COL22A1: variants seen among roughly 807,000 people sequenced by gnomAD.
The protein encoded by COL22A1 is collagen type XXII alpha 1 chain.
In COL22A1, 221 loss-of-function variants were observed where a neutral mutation model predicts 248.9. That is an observed-to-expected ratio of 0.89 (90% confidence interval 0.80 to 0.99). The LOEUF (loss-of-function observed/expected upper bound fraction) is 0.99. Ranked by LOEUF, COL22A1 falls within the 50% of genes least tolerant of loss-of-function variation. COL22A1 has a pLI of 0.00. For synonymous variants in COL22A1, 891 were observed against 793.4 expected (o/e 1.12, Z -2.07); for missense variants, 2,240 against 2,179.0 (o/e 1.03, Z -0.56).
intron 44 of COL22A1, among the ~76,000 whole-genome samples, chr8:138,658,964 C>T (rs1384686982): frequency 6.6e-6 from 1 of 152,052 alleles, no homozygotes; most frequent in Non-Finnish European, 1.5e-5. Flanking sequence ...CATGATTATC[C>T]ACATCATCAG....
In COL22A1 at chr8:138,660,621, C is replaced by T. The variant is rs1202540210; in HGVS notation, c.3241-141G>A. ...AATCATCAGACCATGAGGATTGGCA[C>T]CAATAAAAATGCGTGGTTTCTAATC... On this transcript the variant is annotated intron_variant, in intron 43 of 64. Transcript: ENST00000303045. The T allele has an allele frequency of 4.3e-6, 3 of 698,768 alleles. No homozygotes were observed. In the South Asian group the frequency reaches 5.6e-5, roughly 13 times the overall value. The allele number at this position is 698,768 out of a possible 1,614,324, so 43.3% of individuals were successfully genotyped here. A position where few individuals can be genotyped will look rare whatever the true frequency, so the allele number is the denominator to read the frequency against.
chr8:138,590,550 A>G (rs1816955037), intron 64 of COL22A1, among the ~76,000 whole-genome samples: 2 of 152,124 alleles, frequency 1.3e-5, no homozygotes, highest in Admixed American at 6.5e-5. Context: ...TTAATAATGT[A>G]TTTCTAATTA....
intron 47 of COL22A1, among the ~76,000 whole-genome samples, chr8:138,643,228 T>C (rs1821879210): frequency 2.0e-5 from 3 of 152,320 alleles, no homozygotes; most frequent in African/African-American, 4.8e-5. Context: ...ACTTTCCTGA[T>C]ACCTTTCAAT....
At chr8:138,641,376 T>C (rs1244404772) in intron 47 of COL22A1, among the ~76,000 whole-genome samples, 2 of 152,126 alleles carry the variant, frequency 1.3e-5, no homozygotes, top group African/African-American at 4.8e-5. Flanking sequence ...GAACATGCTA[T>C]AAGAAGGAAA....
chr8:138,902,173 C>T (rs1466762907), intron 1 of COL22A1, among the ~76,000 whole-genome samples: 2 of 152,098 alleles, frequency 1.3e-5, no homozygotes, highest in African/African-American at 4.8e-5. Context: ...CGTGGATGCC[C>T]GAAACACAAT....
chr8:138,673,968 C>G (rs1013044768), intron 41 of COL22A1, among the ~76,000 whole-genome samples: 1 of 152,176 alleles, frequency 6.6e-6, no homozygotes, highest in Non-Finnish European at 1.5e-5. Flanking sequence ...TCTGCAACAA[C>G]GCCATGCAGT....
chr8:138,715,412 C>T (rs1171461297), intron 30 of COL22A1, among the ~76,000 whole-genome samples: 1 of 151,428 alleles, frequency 6.6e-6, no homozygotes, highest in Non-Finnish European at 1.5e-5. Flanking sequence ...CTACTAAAAA[C>T]ACAAAAATTA....
intron 1 of COL22A1, among the ~76,000 whole-genome samples, chr8:138,908,092 C>T (rs763251899): frequency 6.6e-6 from 1 of 152,186 alleles, no homozygotes; most frequent in Non-Finnish European, 1.5e-5. Context: ...ATGCGGACCA[C>T]AGCACCACTT....
At chr8:138,826,226 T>C (rs1260066180) in intron 6 of COL22A1, among the ~76,000 whole-genome samples, 2 of 152,100 alleles carry the variant, frequency 1.3e-5, no homozygotes. Context: ...AAAGATAAAG[T>C]AACCCATCCC....
chr8:138,611,424 T>C lies in COL22A1; in HGVS notation c.3978+2443A>G, dbSNP rs375574714. ...CAGATGGCTGAACTCCAGAATTGGA[T>C]GCAAAAGCCCAGTGAGGGAGCTGGG... On this transcript the variant is annotated intron_variant, in intron 56 of 64. Coordinates refer to ENST00000303045, the MANE Select transcript of COL22A1 (RefSeq NM_152888.3). Among the ~76,000 whole-genome samples the C allele has an allele frequency of 2.0e-4, 31 of 152,272 alleles. No homozygotes were observed. In the East Asian group the frequency reaches 3.7e-3, roughly 18 times the overall value.
chr8:138,620,843 T>C (rs1482658644), intron 52 of COL22A1, among the ~76,000 whole-genome samples: 1 of 152,136 alleles, frequency 6.6e-6, no homozygotes, highest in Non-Finnish European at 1.5e-5. Context: ...TGCTCAAATA[T>C]CTCTTAATAA....
chr8:138,721,945 G>A (rs1829896396), intron 26 of COL22A1, 91 bp downstream of exon 26: 1 of 1,020,052 alleles, frequency 9.8e-7, no homozygotes, highest in South Asian at 1.4e-5. Context: ...CCAGGCAATT[G>A]ACTTGTTGTA....
intron 3 of COL22A1, among the ~76,000 whole-genome samples, chr8:138,847,249 C>G (rs1821310819): frequency 2.0e-5 from 3 of 152,220 alleles, no homozygotes; most frequent in Admixed American, 2.0e-4. Context: ...GAAATGACTT[C>G]TGACAACTGA....
chr8:138,716,844 G>T lies in COL22A1; in HGVS notation c.2381C>A (p.Ala794Glu). ...LRGEIGEQGL[A>E]GRPGEKGEAG... Reference sequence around the variant, plus strand: ...ACAGACCTTCTCTCCAGGTCGGCCTGCCAGGCCCTGCTCCCCAATTTCTCC... The same window carrying T: ...ACAGACCTTCTCTCCAGGTCGGCCTTCCAGGCCCTGCTCCCCAATTTCTCC... Residue 794 changes from alanine to glutamate, a missense_variant, in exon 28 of 65, where the codon GCA becomes GAA. Coordinates refer to ENST00000303045, the MANE Select transcript of COL22A1 (RefSeq NM_152888.3). The T allele has an allele frequency of 1.2e-6, 2 of 1,611,918 alleles. No homozygotes were observed. Among genetic ancestry groups the T allele is most frequent in the Non-Finnish European group, 1.7e-6 (2 of 1,178,004 alleles).
intron 3 of COL22A1, among the ~76,000 whole-genome samples, chr8:138,872,466 G>C (rs1823413269): frequency 6.6e-6 from 1 of 152,194 alleles, no homozygotes; most frequent in South Asian, 2.1e-4. Context: ...ACCATAGTGT[G>C]TCCTCAAAAT....
chr8:138,729,995 G>C (rs1237695450), intron 23 of COL22A1, among the ~76,000 whole-genome samples: 1 of 152,206 alleles, frequency 6.6e-6, no homozygotes, highest in Non-Finnish European at 1.5e-5. Flanking sequence ...CATCCTGTGA[G>C]GACCTGGACG....
At chr8:138,680,811 A>G (rs942771742) in intron 39 of COL22A1, among the ~76,000 whole-genome samples, 1 of 152,232 alleles carries the variant, frequency 6.6e-6, no homozygotes. Flanking sequence ...TCTAAGCCAC[A>G]TTCTGACTTA....
chr8:138,590,917 C>A (rs985473760), intron 64 of COL22A1, among the ~76,000 whole-genome samples: 3 of 152,180 alleles, frequency 2.0e-5, no homozygotes, highest in Non-Finnish European at 4.4e-5. Context: ...ACCACCCTAC[C>A]ACTGGGTGAG....
chr8:138,832,914 C>T (rs1820157985), intron 5 of COL22A1, 125 bp downstream of exon 5: 1 of 636,086 alleles, frequency 1.6e-6, no homozygotes, highest in Admixed American at 2.7e-5. Context: ...CGCAGGGCAA[C>T]CTTACAAGGC....
Sources: allele counts gnomAD v4.1 joint callset (sites outside exome capture counted in the v4.1 genomes callset), GRCh38; gene constraint gnomAD v4.1.1; transcripts MANE v1.5; gene names NCBI Gene and HGNC (gene_info 2026-07-23, HGNC 2026-07-21).